The following CLSTN2 variants were observed in gnomAD, a reference collection of about 807,000 sequenced individuals.
CLSTN2 encodes calsyntenin-2.
A neutral mutation model predicts 101.2 loss-of-function variants in CLSTN2; 48 were observed. The observed-to-expected ratio is 0.47, with a 90% CI of 0.38 to 0.60. CLSTN2 has a LOEUF of 0.60. Among genes scored for constraint, CLSTN2 ranks in the 20% least tolerant of loss-of-function variants. The probability of loss-of-function intolerance (pLI) is 0.00; values close to 1 mark genes in which losing one functional copy is unlikely to be tolerated. For missense variants in CLSTN2, 1,160 were observed against 1,238.2 expected, an observed-to-expected ratio of 0.94 and a Z score of 0.95; for synonymous variants, 481 against 463.6, an observed-to-expected ratio of 1.04 and a Z score of -0.48.
intron 5 of CLSTN2, among the ~76,000 whole-genome samples, chr3:140,437,060 T>TC (rs1270976373): frequency 6.7e-6 from 1 of 150,266 alleles, no homozygotes; most frequent in South Asian, 2.1e-4. Flanking sequence ...GTTTTTTTTT[T>TC]TTTTTTGAGA....
Position 140,301,105 on chromosome 3 carries a change from C to A in CLSTN2, c.233-102524C>A, listed in dbSNP as rs151061964. Among the ~76,000 whole-genome samples the A allele has an allele frequency of 2.7e-3, 410 of 152,268 alleles. 3 individuals are homozygous for A. Among genetic ancestry groups the A allele is most frequent in the Admixed American group, 4.5e-3 (69 of 15,294 alleles). The stretch of plus-strand genomic sequence containing the variant: ...CCTCAAAAGATTGAATGATGCCCAT[C>A]CACACTGAGGAGGACAGTCTACTTT... On this transcript the variant is annotated intron_variant, in intron 2 of 16. Transcript: ENST00000458420.
intron 2 of CLSTN2, among the ~76,000 whole-genome samples, chr3:140,257,590 G>C (rs975945947): frequency 1.3e-5 from 2 of 151,328 alleles, no homozygotes; most frequent in South Asian, 2.1e-4. Flanking sequence ...GTGTGTGTGT[G>C]TGTGTGTGTG....
At chr3:140,340,369 A>G (rs919308203) in intron 2 of CLSTN2, among the ~76,000 whole-genome samples, 6 of 152,268 alleles carry the variant, frequency 3.9e-5, no homozygotes, top group South Asian at 2.1e-4. Context: ...ATTAAAAAAC[A>G]TAAGTGTAGA....
intron 2 of CLSTN2, among the ~76,000 whole-genome samples, chr3:140,239,387 G>T (rs140888187): frequency 0.021 from 3,264 of 152,228 alleles, 66 homozygotes; most frequent in South Asian, 0.048. Context: ...GAAAAACATT[G>T]CCAGCTAAAC....
At chr3:140,222,538 G>A (rs2086282913) in intron 2 of CLSTN2, among the ~76,000 whole-genome samples, 1 of 152,080 alleles carries the variant, frequency 6.6e-6, no homozygotes, top group South Asian at 2.1e-4. Context: ...TCCATGATGT[G>A]ATTATTATGC....
intron 1 of CLSTN2, among the ~76,000 whole-genome samples, chr3:140,087,282 T>C (rs1041295220): frequency 2.6e-5 from 4 of 152,194 alleles, no homozygotes; most frequent in Admixed American, 2.6e-4. Flanking sequence ...GGACAGTTTA[T>C]GAAGATTAGG....
chr3:140,096,213 C>T (rs1049395091), intron 1 of CLSTN2, among the ~76,000 whole-genome samples: 2 of 152,106 alleles, frequency 1.3e-5, no homozygotes, highest in Non-Finnish European at 2.9e-5. Context: ...TTCATGCTGT[C>T]CCCAGCTCCC....
At chr3:140,277,152 A>G (rs1308128663) in intron 2 of CLSTN2, among the ~76,000 whole-genome samples, 2 of 152,226 alleles carry the variant, frequency 1.3e-5, no homozygotes, top group Non-Finnish European at 2.9e-5. Context: ...TTATGAGGAA[A>G]AAGAAGTAGG....
chr3:140,236,626 C>T (rs767825749), intron 2 of CLSTN2, among the ~76,000 whole-genome samples: 5 of 152,118 alleles, frequency 3.3e-5, no homozygotes, highest in Admixed American at 6.6e-5. Flanking sequence ...CTCTTCCTAT[C>T]CCATAGCTCA....
intron 10 of CLSTN2, among the ~76,000 whole-genome samples, chr3:140,552,715 C>T (rs1205372801): frequency 1.3e-5 from 2 of 152,202 alleles, no homozygotes; most frequent in Non-Finnish European, 2.9e-5. Context: ...GCAGACCTAT[C>T]ATCTACCTCA....
At chr3:140,517,204 A>G (rs1382933669) in intron 8 of CLSTN2, among the ~76,000 whole-genome samples, 1 of 152,030 alleles carries the variant, frequency 6.6e-6, no homozygotes, top group Non-Finnish European at 1.5e-5. Flanking sequence ...TATGCTATCT[A>G]TTTTACTGAA....
chr3:140,532,504 C>G lies in CLSTN2; in HGVS notation c.1507+18C>G, dbSNP rs201408350. On this transcript the variant is annotated intron_variant, in intron 9 of 16. Transcript: ENST00000458420. ...TTGGCAAGGTAATCCTAAGTGAAAC[C>G]CTTTTCTCTGACCTGTTTGTGAATA... is the stretch of plus-strand genomic sequence containing the variant. 8.1e-6 allele frequency: 13 copies of G among 1,603,374 alleles called. No individual in the cohort carries two copies. The Admixed American group carries it at 2.2e-4, about 27-fold the overall frequency.
intron 1 of CLSTN2, among the ~76,000 whole-genome samples, chr3:140,031,816 A>G (rs72981851): frequency 0.071 from 10,754 of 152,244 alleles, 436 homozygotes; most frequent in East Asian, 0.16. Flanking sequence ...TCAAAGTCAT[A>G]TGGTTATTAA....
chr3:140,470,157 A>C (rs1933805075), intron 8 of CLSTN2, among the ~76,000 whole-genome samples: 1 of 152,170 alleles, frequency 6.6e-6, no homozygotes, highest in Non-Finnish European at 1.5e-5. Context: ...GGACTCGCTT[A>C]TTTCTTTATT....
At chr3:140,287,100 G>C (rs762451396) in intron 2 of CLSTN2, among the ~76,000 whole-genome samples, 1 of 152,130 alleles carries the variant, frequency 6.6e-6, no homozygotes, top group East Asian at 1.9e-4. Context: ...GAAACAATAA[G>C]ATCTATCTAG....
intron 1 of CLSTN2, among the ~76,000 whole-genome samples, chr3:140,124,840 G>A (rs1483677285): frequency 6.6e-6 from 1 of 152,210 alleles, no homozygotes; most frequent in Admixed American, 6.5e-5. Flanking sequence ...GAACATGCAG[G>A]AAGTGAGTGC....
chr3:140,243,267 A>G (rs1169863375), intron 2 of CLSTN2, among the ~76,000 whole-genome samples: 1 of 152,210 alleles, frequency 6.6e-6, no homozygotes, highest in Non-Finnish European at 1.5e-5. Context: ...TTCCCAAGTT[A>G]GGACGTGATT....
At chr3:140,172,395 A>G (rs1310744014) in intron 1 of CLSTN2, among the ~76,000 whole-genome samples, 1 of 152,106 alleles carries the variant, frequency 6.6e-6, no homozygotes, top group Non-Finnish European at 1.5e-5. Context: ...TCCAGATAGG[A>G]GTGGGTTGGG....
intron 5 of CLSTN2, among the ~76,000 whole-genome samples, chr3:140,435,258 A>G (rs753921090): frequency 2.0e-5 from 3 of 151,814 alleles, no homozygotes; most frequent in Non-Finnish European, 4.4e-5. Flanking sequence ...TCTACTCTCT[A>G]TATTTATGAG....
Sources: allele counts gnomAD v4.1 joint callset (sites outside exome capture counted in the v4.1 genomes callset), GRCh38; gene constraint gnomAD v4.1.1; transcripts MANE v1.5; gene names NCBI Gene and HGNC (gene_info 2026-07-23, HGNC 2026-07-21).